PSMD14: variants seen among roughly 807,000 people sequenced by gnomAD.
The protein encoded by PSMD14 is ubiquitin C-terminal hydrolase PSMD14.
Under a neutral mutation model 41.2 loss-of-function variants are expected in PSMD14, and 7 were observed. The observed-to-expected ratio is 0.17, with a 90% CI of 0.10 to 0.32. The LOEUF is 0.32. Ranked by LOEUF, PSMD14 falls within the 10% of genes least tolerant of loss-of-function variation. The pLI is 1.00. For synonymous variants in PSMD14, 114 were observed against 122.3 expected (o/e 0.93, Z 0.45); for missense variants, 139 against 375.6 (o/e 0.37, Z 5.21).
Position 161,411,558 on chromosome 2 carries a change from A to C in PSMD14, c.*158A>C. ...CACCTTCAGTCTCAGTTGTGCAATT[A>C]CTTCTGTTTCTTTAGTCAGGGTCTT... On this transcript the variant is annotated 3_prime_UTR_variant, in exon 12 of 12. Transcript: ENST00000409682. The C allele has an allele frequency of 4.9e-6, 2 of 410,610 alleles. No homozygotes were observed. Among genetic ancestry groups the C allele is most frequent in the Non-Finnish European group, 8.6e-6 (2 of 233,332 alleles). 25.4% of individuals were successfully genotyped at this position (410,610 alleles called of 1,614,324 possible).
chr2:161,390,294 T>A (rs1392929019), intron 8 of PSMD14, among the ~76,000 whole-genome samples: 2 of 152,130 alleles, frequency 1.3e-5, no homozygotes, highest in African/African-American at 4.8e-5. Context: ...TTTATACTTG[T>A]TAAAAATATC....
chr2:161,371,115 T>C (rs1332901281), intron 6 of PSMD14, 57 bp from the exon 7 acceptor site: 48 of 1,541,316 alleles, frequency 3.1e-5, no homozygotes, highest in Non-Finnish European at 4.2e-5. Context: ...TTTCTTTTCA[T>C]ATCATAAATG....
chr2:161,344,109 T>A (rs1683007405), intron 3 of PSMD14, among the ~76,000 whole-genome samples: 1 of 117,940 alleles, frequency 8.5e-6, no homozygotes, highest in Non-Finnish European at 1.8e-5. Flanking sequence ...ATTAGAGACT[T>A]GGTGCGGGGG....
intron 3 of PSMD14, among the ~76,000 whole-genome samples, chr2:161,352,186 G>A (rs1312933327): frequency 6.6e-6 from 1 of 152,062 alleles, no homozygotes; most frequent in Non-Finnish European, 1.5e-5. Flanking sequence ...TGTTTTATAA[G>A]TTTATATCAG....
intron 3 of PSMD14, among the ~76,000 whole-genome samples, chr2:161,364,396 C>CT (rs1683330997): frequency 6.6e-6 from 1 of 151,994 alleles, no homozygotes; most frequent in African/African-American, 2.4e-5. Flanking sequence ...CCAGGGTGGT[C>CT]TTGGAAATGC....
At chr2:161,410,430 T>G (rs566435354) in intron 11 of PSMD14, among the ~76,000 whole-genome samples, 1 of 152,098 alleles carries the variant, frequency 6.6e-6, no homozygotes, top group Non-Finnish European at 1.5e-5. Flanking sequence ...ATCGTAAGAA[T>G]ATAATCATTT....
intron 4 of PSMD14, 78 bp downstream of exon 4, chr2:161,367,627 C>T: frequency 6.9e-7 from 1 of 1,440,614 alleles, no homozygotes; most frequent in African/African-American, 1.4e-5. Context: ...ATATTTGTCA[C>T]CTTAATCCTC....
At chr2:161,353,380 G>C (rs559507229) in intron 3 of PSMD14, among the ~76,000 whole-genome samples, 1 of 152,264 alleles carries the variant, frequency 6.6e-6, no homozygotes, top group Admixed American at 6.5e-5. Flanking sequence ...TATTTGAAAA[G>C]TCACATCCTC....
At chr2:161,369,987 G>A in intron 5 of PSMD14, 120 bp from the exon 6 acceptor site, 1 of 633,874 alleles carries the variant, frequency 1.6e-6, no homozygotes, top group Non-Finnish European at 2.7e-6. Context: ...GACTTGAGTA[G>A]GTATCAAATG....
chr2:161,313,808 CA>C (rs1313770942), intron 1 of PSMD14, among the ~76,000 whole-genome samples: 1 of 143,604 alleles, frequency 7.0e-6, no homozygotes, highest in African/African-American at 2.6e-5. Flanking sequence ...TTCTGTATTT[CA>C]AATACATTTC....
chr2:161,404,050 C>T (rs1683917930), intron 10 of PSMD14, among the ~76,000 whole-genome samples: 2 of 151,802 alleles, frequency 1.3e-5, no homozygotes, highest in Non-Finnish European at 2.9e-5. Flanking sequence ...GGACTCCAAG[C>T]ACTCACCACT....
At chr2:161,315,968 A>G (rs1005879190) in intron 1 of PSMD14, among the ~76,000 whole-genome samples, 1 of 150,834 alleles carries the variant, frequency 6.6e-6, no homozygotes, top group Non-Finnish European at 1.5e-5. Flanking sequence ...CAGCCACCTG[A>G]GTAGCTGGGA....
At chr2:161,378,696 G>A (rs1683535027) in intron 7 of PSMD14, among the ~76,000 whole-genome samples, 1 of 151,824 alleles carries the variant, frequency 6.6e-6, no homozygotes, top group African/African-American at 2.4e-5. Flanking sequence ...GAAGAGTACT[G>A]GCTTTGGCAT....
chr2:161,344,605 A>C (rs1355011038), intron 3 of PSMD14, among the ~76,000 whole-genome samples: 1 of 144,652 alleles, frequency 6.9e-6, no homozygotes, highest in East Asian at 2.0e-4. Context: ...AAGAAATAAT[A>C]TTTAATGATG....
In PSMD14 at chr2:161,391,189, AT is replaced by A; in HGVS notation, c.645+16del. 3 of 1,506,020 alleles carry A rather than the reference AT, an allele frequency of 2.0e-6. No homozygotes were observed. Among genetic ancestry groups the A allele is most frequent in the Non-Finnish European group, 2.7e-6 (3 of 1,126,274 alleles). The allele number at this position is 1,506,020 out of a possible 1,614,324, so 93.3% of individuals were successfully genotyped here. On this transcript the variant is annotated intron_variant, in intron 9 of 11. Coordinates refer to ENST00000409682, the MANE Select transcript of PSMD14 (RefSeq NM_005805.6). The stretch of plus-strand genomic sequence containing the variant: ...GAACTGGAACAGAAGGTAAGTTTAA[AT>A]TTTTATCTTATAGGAGGAAAAAAAT...
chr2:161,329,806 G>A (rs1412715398), intron 3 of PSMD14, among the ~76,000 whole-genome samples: 1 of 152,028 alleles, frequency 6.6e-6, no homozygotes, highest in East Asian at 1.9e-4. Context: ...AATTAAGAAA[G>A]GGGTCAGGTC....
At chr2:161,388,562 C>G (rs963453228) in intron 8 of PSMD14, among the ~76,000 whole-genome samples, 1 of 152,058 alleles carries the variant, frequency 6.6e-6, no homozygotes, top group East Asian at 1.9e-4. Context: ...ACTCAGTTCT[C>G]CACTCTAGAG....
At chr2:161,402,815 C>G (rs1230265026) in intron 10 of PSMD14, among the ~76,000 whole-genome samples, 1 of 151,902 alleles carries the variant, frequency 6.6e-6, no homozygotes, top group African/African-American at 2.4e-5. Context: ...CAAATGGTTA[C>G]AAACACATAA....
rs1689050426 is a variant in PSMD14, at chr2:161,308,604, G to A, written c.-138G>A. On this transcript the variant is annotated splice_region_variant and 5_prime_UTR_variant, in exon 1 of 12. Coordinates refer to ENST00000409682, the MANE Select transcript of PSMD14 (RefSeq NM_005805.6). ...GGCATCCGGCTCCCGCCCGTCTTCA[G>A]GTAAGACCCAGAAGGCAGGCCTGGG... is the stretch of plus-strand genomic sequence containing the variant. 6.6e-6 allele frequency: 1 copy of A among 152,396 alleles called. No homozygotes were observed. Among genetic ancestry groups the A allele is most frequent in the African/African-American group, 2.4e-5 (1 of 41,468 alleles). 9.4% of individuals were successfully genotyped at this position (152,396 alleles called of 1,614,324 possible).
Sources: gnomAD v4.1 joint callset for allele counts (sites outside exome capture counted in the v4.1 genomes callset) on GRCh38, gnomAD v4.1.1 for gene constraint, MANE v1.5 for transcripts, NCBI Gene and HGNC (gene_info 2026-07-23, HGNC 2026-07-21) for gene names.